Variants in QRFPR observed in about 807,000 individuals in gnomAD.
The protein encoded by QRFPR is pyroglutamylated RF-amide peptide receptor.
QRFPR carries 37 observed loss-of-function variants against 31.3 expected under a neutral mutation model. The observed-to-expected ratio is 1.18, with a 90% CI of 0.91 to 1.56. QRFPR has a LOEUF of 1.56. Ranked by LOEUF, QRFPR falls within the 40% of genes most tolerant of loss-of-function variation. QRFPR has a pLI of 0.00. For missense variants in QRFPR, 542 were observed against 532.5 expected, an observed-to-expected ratio of 1.02 and a Z score of -0.18; for synonymous variants, 197 against 192.0, an observed-to-expected ratio of 1.03 and a Z score of -0.22.
chr4:121,375,818 C>G (rs1432192086), intron 1 of QRFPR, among the ~76,000 whole-genome samples: 1 of 152,026 alleles, frequency 6.6e-6, no homozygotes, highest in East Asian at 1.9e-4. Flanking sequence ...ATAAAGGAAA[C>G]AAAGAGGCAA....
intron 1 of QRFPR, among the ~76,000 whole-genome samples, chr4:121,363,893 G>A (rs1489953209): frequency 6.7e-6 from 1 of 148,184 alleles, no homozygotes; most frequent in African/African-American, 2.5e-5. Context: ...CTGAATTGAA[G>A]GAGAAAGAGA....
At chr4:121,373,745 T>C (rs1339182142) in intron 1 of QRFPR, among the ~76,000 whole-genome samples, 2 of 152,190 alleles carry the variant, frequency 1.3e-5, no homozygotes, top group South Asian at 2.1e-4. Context: ...CCCTCAAAAT[T>C]AAGATCTTTT....
At chr4:121,339,259 C>T (rs550301112) in intron 2 of QRFPR, among the ~76,000 whole-genome samples, 1 of 152,320 alleles carries the variant, frequency 6.6e-6, no homozygotes, top group East Asian at 1.9e-4. Context: ...TTGCTTGCTA[C>T]ACCTCTGATT....
chr4:121,345,503 G>C (rs1202808148), intron 1 of QRFPR, among the ~76,000 whole-genome samples: 1 of 152,166 alleles, frequency 6.6e-6, no homozygotes, highest in Admixed American at 6.5e-5. Context: ...TTTTAAAAAT[G>C]TAGTGTACTA....
At position 121,365,654 on chromosome 4, in the gene QRFPR, ATT is replaced by A. The variant is rs1726120853; in HGVS notation, c.340+14652_340+14653del. On this transcript the variant is annotated intron_variant, in intron 1 of 5. Transcript: ENST00000394427. ...TATATATATATTTTATATATTATAT[ATT>A]ATATATATTTTATATATTATATATA... Among the ~76,000 whole-genome samples the A allele has an allele frequency of 6.1e-5, 2 of 32,570 alleles. 1 individual carries two copies. The highest frequency in any genetic ancestry group is 2.8e-4 in the African/African-American group (2 of 7,090). The allele number at this position is 32,570 out of a possible 152,430, so 21.4% of individuals were successfully genotyped here.
In QRFPR at chr4:121,380,512, G is replaced by C. The variant is rs35159179; in HGVS notation, c.136C>G (p.Leu46Val). Residue 46 changes from leucine to valine, a missense_variant, in exon 1 of 6, where the codon CTG becomes GTG. Transcript: ENST00000394427. ...YTPELPGRAK[L>V]ALVLTGVLIF... ...AGCACGCCGGTGAGCACGAGGGCCA[G>C]CTTGGCGCGTCCCGGCAGCTCTGGG... is the stretch of plus-strand genomic sequence containing the variant. The C allele has an allele frequency of 2.7e-5, 43 of 1,614,034 alleles. No individual in the cohort carries two copies. The highest frequency in any genetic ancestry group is 3.3e-5 in the Non-Finnish European group (39 of 1,179,958).
At chr4:121,344,200 G>T (rs1725601325) in intron 1 of QRFPR, among the ~76,000 whole-genome samples, 1 of 152,150 alleles carries the variant, frequency 6.6e-6, no homozygotes, top group African/African-American at 2.4e-5. Flanking sequence ...AGACACTGCA[G>T]TTCAAAGAGG....
chr4:121,329,120 T>C lies in QRFPR; in HGVS notation c.*194A>G, dbSNP rs1044543164. The C allele has an allele frequency of 1.4e-5, 7 of 496,572 alleles. No homozygotes were observed. In the Admixed American group the frequency reaches 2.6e-4, roughly 19 times the overall value. The allele number at this position is 496,572 out of a possible 1,614,324, so 30.8% of individuals were successfully genotyped here. On this transcript the variant is annotated 3_prime_UTR_variant, in exon 6 of 6. Transcript: ENST00000394427. Reference sequence around the variant, plus strand: ...GAATGAGAAGGAACACAGAAATCTGTTAAATGATTGTGATCAATTGGTTGT... The same window carrying C: ...GAATGAGAAGGAACACAGAAATCTGCTAAATGATTGTGATCAATTGGTTGT...
At chr4:121,355,282 C>A (rs1347294701) in intron 1 of QRFPR, among the ~76,000 whole-genome samples, 2 of 152,080 alleles carry the variant, frequency 1.3e-5, no homozygotes, top group Middle Eastern at 3.2e-3. Context: ...TGGATTTCTT[C>A]ATGGTTCTAT....
At chr4:121,342,189 A>T (rs188927837) in intron 1 of QRFPR, among the ~76,000 whole-genome samples, 1 of 152,118 alleles carries the variant, frequency 6.6e-6, no homozygotes. Context: ...TGGAACTTGC[A>T]CTTTCTCCTG....
intron 1 of QRFPR, among the ~76,000 whole-genome samples, chr4:121,354,883 T>A (rs1725835355): frequency 6.6e-6 from 1 of 152,148 alleles, no homozygotes; most frequent in African/African-American, 2.4e-5. Flanking sequence ...TTGATTCGCA[T>A]AGGTTGAACT....
intron 1 of QRFPR, chr4:121,369,467 G>T: frequency 9.4e-7 from 1 of 1,069,184 alleles, no homozygotes; most frequent in Non-Finnish European, 1.4e-6. Flanking sequence ...CAAGTCACGG[G>T]GTTTGAGATT....
Position 121,365,574 on chromosome 4 carries a change from ATATATATTATATATATT to A in QRFPR, c.340+14717_340+14733del, listed in dbSNP as rs1560743831. ...TAATATATAATATATATTATATATA[ATATATATTATATATATT>A]ATATATATATAATATATATATTATA... is the stretch of plus-strand genomic sequence containing the variant. On this transcript the variant is annotated intron_variant, in intron 1 of 5. Coordinates refer to ENST00000394427, the MANE Select transcript of QRFPR (RefSeq NM_198179.3). Among the ~76,000 whole-genome samples the A allele has an allele frequency of 2.9e-3, 56 of 19,648 alleles. 9 individuals carry two copies. Among genetic ancestry groups the A allele is most frequent in the Admixed American group, 3.7e-3 (4 of 1,076 alleles). 12.9% of individuals were successfully genotyped at this position (19,648 alleles called of 152,430 possible). A position where few individuals can be genotyped will look rare whatever the true frequency, so the allele number is the denominator to read the frequency against.
intron 1 of QRFPR, among the ~76,000 whole-genome samples, chr4:121,375,953 C>T (rs1365699078): frequency 1.3e-5 from 2 of 152,194 alleles, no homozygotes; most frequent in Non-Finnish European, 1.5e-5. Context: ...TTTGGAGGAG[C>T]ATTTGGACAT....
rs199786974 is a variant in QRFPR at position 121,377,417 on chromosome 4, T to A, written c.340+2891A>T. On this transcript the variant is annotated intron_variant, in intron 1 of 5. Transcript: ENST00000394427. ...TACATAACTATATATATATATATTTTTTTTTTTTTCCTCCCCAGTTGCACT... is the reference window on the plus strand; with the variant it reads ...TACATAACTATATATATATATATTTATTTTTTTTTCCTCCCCAGTTGCACT... 3.7e-3 allele frequency among the ~76,000 whole-genome samples: 388 copies of A among 103,542 alleles called. 1 individual carries two copies. The highest frequency in any genetic ancestry group is 0.022 in the Middle Eastern group (5 of 224). 67.9% of individuals were successfully genotyped at this position (103,542 alleles called of 152,430 possible).
rs1560743584 is a variant in QRFPR at position 121,365,534 on chromosome 4, AAT to A, written c.340+14772_340+14773del. On this transcript the variant is annotated intron_variant, in intron 1 of 5. Transcript: ENST00000394427. ...AATATATATTATATATATTATATAT[AAT>A]ATATATTATATATAATATATAATAT... Among the ~76,000 whole-genome samples, 24 of 5,430 alleles carry A rather than the reference AAT, an allele frequency of 4.4e-3. 3 individuals are homozygous for A. The highest frequency in any genetic ancestry group is 0.026 in the African/African-American group (23 of 896). The allele number at this position is 5,430 out of a possible 152,430, so 3.6% of individuals were successfully genotyped here.
At chr4:121,367,624 T>C (rs1429229741) in intron 1 of QRFPR, among the ~76,000 whole-genome samples, 2 of 150,316 alleles carry the variant, frequency 1.3e-5, no homozygotes, top group Admixed American at 1.3e-4. Flanking sequence ...GTCCTTATTG[T>C]CTCTAAAATT....
intron 1 of QRFPR, among the ~76,000 whole-genome samples, chr4:121,355,833 G>A (rs1034800443): frequency 6.6e-6 from 1 of 151,910 alleles, no homozygotes; most frequent in African/African-American, 2.4e-5. Context: ...TCATTGAGGG[G>A]CATACTGTTT....
intron 1 of QRFPR, chr4:121,370,233 T>TA: frequency 1.3e-6 from 1 of 779,408 alleles, no homozygotes. Context: ...TGCAGGGTCC[T>TA]TGAGGGTATC....
Sources: allele counts gnomAD v4.1 joint callset (sites outside exome capture counted in the v4.1 genomes callset), GRCh38; gene constraint gnomAD v4.1.1; transcripts MANE v1.5; gene names NCBI Gene and HGNC (gene_info 2026-07-23, HGNC 2026-07-21).